The following HS3ST5 variants were observed in gnomAD, a reference collection of about 807,000 sequenced individuals.
HS3ST5 encodes heparan sulfate glucosamine 3-O-sulfotransferase 5.
In HS3ST5, 10 loss-of-function variants were observed where a neutral mutation model predicts 25.4. The ratio of observed to expected loss-of-function variants is 0.39; its 90% CI spans 0.24 to 0.67. The LOEUF is 0.67. HS3ST5 is among the 30% of genes least tolerant of loss of function. The pLI, the probability that HS3ST5 is intolerant of heterozygous loss-of-function variation, is 0.44. For synonymous variants in HS3ST5, 170 were observed against 162.4 expected (o/e 1.05, Z -0.36); for missense variants, 324 against 420.7 (o/e 0.77, Z 2.01).
At chr6:114,078,766 A>T (rs915066348) in intron 3 of HS3ST5, among the ~76,000 whole-genome samples, 5 of 152,012 alleles carry the variant, frequency 3.3e-5, no homozygotes, top group African/African-American at 1.2e-4. Flanking sequence ...TTCTATGAAG[A>T]TTTGTCATTA....
chr6:114,224,561 T>C (rs942632614), intron 2 of HS3ST5, among the ~76,000 whole-genome samples: 4 of 151,538 alleles, frequency 2.6e-5, no homozygotes, highest in African/African-American at 4.8e-5. Flanking sequence ...CTCCTTTATA[T>C]CTTTTTTTGT....
intron 3 of HS3ST5, among the ~76,000 whole-genome samples, chr6:114,064,134 A>G (rs147083377): frequency 6.6e-6 from 1 of 152,348 alleles, no homozygotes; most frequent in African/African-American, 2.4e-5. Context: ...AGGAAGCTAT[A>G]TAGATAGCAA....
At chr6:114,321,601 A>G (rs547709261) in intron 1 of HS3ST5, among the ~76,000 whole-genome samples, 2 of 152,162 alleles carry the variant, frequency 1.3e-5, no homozygotes, top group Non-Finnish European at 2.9e-5. Flanking sequence ...GATCTTTTAA[A>G]ATACATGTAG....
chr6:114,320,186 G>A (rs1775908067), intron 1 of HS3ST5, among the ~76,000 whole-genome samples: 2 of 152,012 alleles, frequency 1.3e-5, no homozygotes, highest in Non-Finnish European at 2.9e-5. Flanking sequence ...TAGACAGGGT[G>A]TATTTATTAC....
chr6:114,253,129 A>G (rs1470541595), intron 1 of HS3ST5, among the ~76,000 whole-genome samples: 3 of 152,186 alleles, frequency 2.0e-5, no homozygotes, highest in Admixed American at 6.6e-5. Flanking sequence ...TTGGAGTTCA[A>G]GGCTGCAGTG....
chr6:114,279,697 C>T (rs1049603802), intron 1 of HS3ST5, among the ~76,000 whole-genome samples: 5 of 151,928 alleles, frequency 3.3e-5, no homozygotes, highest in African/African-American at 9.7e-5. Context: ...AAGGAAGGAG[C>T]AGAAGTAGGA....
intron 2 of HS3ST5, among the ~76,000 whole-genome samples, chr6:114,176,505 G>T (rs1779730756): frequency 6.6e-6 from 1 of 152,154 alleles, no homozygotes; most frequent in Admixed American, 6.5e-5. Flanking sequence ...TCAGAGCCAA[G>T]CTAACATTTT....
intron 3 of HS3ST5, among the ~76,000 whole-genome samples, chr6:114,083,887 A>C (rs927402379): frequency 6.6e-6 from 1 of 151,930 alleles, no homozygotes; most frequent in Non-Finnish European, 1.5e-5. Context: ...CTATATTTTC[A>C]TCTCTCTGGA....
chr6:114,253,341 T>C, intron 1 of HS3ST5, among the ~76,000 whole-genome samples: 1 of 152,236 alleles, frequency 6.6e-6, no homozygotes, highest in Non-Finnish European at 1.5e-5. Context: ...TACGGCACAT[T>C]TCAGGTGTTT....
At chr6:114,151,985 C>T (rs550432588) in intron 3 of HS3ST5, among the ~76,000 whole-genome samples, 7 of 152,020 alleles carry the variant, frequency 4.6e-5, no homozygotes, top group East Asian at 1.9e-4. Context: ...GGCTGGAGTA[C>T]GGTGGCGTGA....
At chr6:114,074,856 C>T (rs985706300) in intron 3 of HS3ST5, among the ~76,000 whole-genome samples, 2 of 151,982 alleles carry the variant, frequency 1.3e-5, no homozygotes, top group African/African-American at 4.8e-5. Context: ...AAAAGTCTCC[C>T]CTTCTTAGGC....
chr6:114,151,677 T>A (rs1778456438), intron 3 of HS3ST5, among the ~76,000 whole-genome samples: 1 of 152,246 alleles, frequency 6.6e-6, no homozygotes, highest in South Asian at 2.1e-4. Context: ...CACTTGCTTC[T>A]GAGTTAGCAG....
chr6:114,077,568 A>T (rs1034825254), intron 3 of HS3ST5, among the ~76,000 whole-genome samples: 2 of 152,216 alleles, frequency 1.3e-5, no homozygotes, highest in African/African-American at 4.8e-5. Context: ...TGGTCCAAAC[A>T]TCATTCTAGT....
In HS3ST5 at chr6:114,057,646, T is replaced by C. The variant is rs1772844839; in HGVS notation, c.652A>G (p.Asn218Asp). Residue 218 changes from asparagine to aspartate, a missense_variant, in exon 5 of 5, where the codon AAT (asparagine) becomes GAT (aspartate). By Grantham distance (23) the Asn-to-Asp change is conservative. This residue lies in a region of HS3ST5 where 203 missense variants were observed against 303.4 expected (regional missense o/e 0.67). Coordinates refer to ENST00000312719, the MANE Select transcript of HS3ST5 (RefSeq NM_153612.4). ...YKFEKLAIDP[N>D]TCEVNTKYKA... Reference sequence around the variant, plus strand: ...TATTTTGTGTTCACTTCGCATGTATTAGGGTCTATGGCCAGCTTCTCAAAC... The same window carrying C: ...TATTTTGTGTTCACTTCGCATGTATCAGGGTCTATGGCCAGCTTCTCAAAC... 5 of 1,614,062 alleles carry C rather than the reference T, an allele frequency of 3.1e-6. No individual in the cohort carries two copies. The Admixed American group carries it at 8.3e-5, about 27-fold the overall frequency.
At chr6:114,202,441 A>T (rs149574183) in intron 2 of HS3ST5, among the ~76,000 whole-genome samples, 120 of 152,338 alleles carry the variant, frequency 7.9e-4, no homozygotes, top group African/African-American at 2.7e-3. Flanking sequence ...CCATGAAGGC[A>T]GGAATCTTTG....
chr6:114,226,644 A>G (rs1367912371), intron 2 of HS3ST5, among the ~76,000 whole-genome samples: 4 of 151,966 alleles, frequency 2.6e-5, no homozygotes, highest in African/African-American at 9.7e-5. Context: ...TTTCTGCTCT[A>G]AAACTTTATG....
intron 3 of HS3ST5, among the ~76,000 whole-genome samples, chr6:114,137,363 A>G (rs1038718248): frequency 1.3e-5 from 2 of 152,212 alleles, no homozygotes; most frequent in African/African-American, 4.8e-5. Context: ...GGTAAGAGAA[A>G]TACACACCTA....
intron 1 of HS3ST5, among the ~76,000 whole-genome samples, chr6:114,338,044 C>T (rs785138): frequency 6.6e-6 from 1 of 151,990 alleles, no homozygotes; most frequent in Non-Finnish European, 1.5e-5. Flanking sequence ...GCTCTTTGGA[C>T]ATTGTCAGGC....
intron 1 of HS3ST5, among the ~76,000 whole-genome samples, chr6:114,259,036 C>T (rs887616808): frequency 4.6e-5 from 7 of 152,094 alleles, no homozygotes; most frequent in African/African-American, 1.7e-4. Context: ...CATGCATGGG[C>T]CATATCACAG....
Sources: gnomAD v4.1 joint callset for allele counts (sites outside exome capture counted in the v4.1 genomes callset) on GRCh38, gnomAD v4.1.1 for gene constraint, gnomAD v4.1.1 regional missense constraint, MANE v1.5 for transcripts, NCBI Gene and HGNC (gene_info 2026-07-23, HGNC 2026-07-21) for gene names.